Variants in ZNF654 observed in about 807,000 individuals in gnomAD.
ZNF654 encodes melanoma-associated antigen.
In ZNF654, 19 loss-of-function variants were observed where a neutral mutation model predicts 95.3. The ratio of observed to expected loss-of-function variants is 0.20; its 90% CI spans 0.14 to 0.29. The LOEUF (loss-of-function observed/expected upper bound fraction) is 0.29, where lower values mean the gene tolerates loss of function less well. Among genes scored for constraint, ZNF654 ranks in the 10% least tolerant of loss-of-function variants. The pLI, the probability that ZNF654 is intolerant of heterozygous loss-of-function variation, is 1.00. For synonymous variants in ZNF654, 413 were observed against 457.9 expected (o/e 0.90, Z 1.25); for missense variants, 1,046 against 1,341.0 (o/e 0.78, Z 3.44).
chr3:88,117,371 A>G (rs1705474298), intron 3 of ZNF654, among the ~76,000 whole-genome samples: 1 of 152,208 alleles, frequency 6.6e-6, no homozygotes, highest in African/African-American at 2.4e-5. Flanking sequence ...AATTCTCTAT[A>G]GTAACAAATG....
rs1476404828 is a variant in ZNF654 at position 88,144,106 on chromosome 3, G to C, written c.*2454G>C. Reference sequence around the variant, plus strand: ...AAAAATTAAATGTTAAATTTCTGCTGTGTGTCAGTAAGGTGAAGAAAATAG... The same window carrying C: ...AAAAATTAAATGTTAAATTTCTGCTCTGTGTCAGTAAGGTGAAGAAAATAG... On this transcript the variant is annotated 3_prime_UTR_variant, in exon 9 of 9. Transcript: ENST00000636215. The C allele has an allele frequency of 6.6e-6, 1 of 152,246 alleles. No individual in the cohort carries two copies. Among genetic ancestry groups the C allele is most frequent in the Non-Finnish European group, 1.5e-5 (1 of 67,798 alleles). 9.4% of individuals were successfully genotyped at this position (152,246 alleles called of 1,614,324 possible). A position where few individuals can be genotyped will look rare whatever the true frequency, so the allele number is the denominator to read the frequency against.
At chr3:88,064,836 G>A (rs1707104854) in intron 1 of ZNF654, among the ~76,000 whole-genome samples, 1 of 152,152 alleles carries the variant, frequency 6.6e-6, no homozygotes, top group African/African-American at 2.4e-5. Context: ...CATTTAACTA[G>A]AAGTCTCAAA....
At chr3:88,112,290 T>A (rs569220717) in intron 2 of ZNF654, among the ~76,000 whole-genome samples, 3 of 151,366 alleles carry the variant, frequency 2.0e-5, no homozygotes, top group African/African-American at 7.3e-5. Context: ...CAAAAACTAT[T>A]AAAAAAACAA....
chr3:88,063,300 T>G lies in ZNF654; in HGVS notation c.186+3795T>G, dbSNP rs1413532909. 2.0e-5 allele frequency among the ~76,000 whole-genome samples: 3 copies of G among 152,312 alleles called. No homozygotes were observed. The East Asian group carries it at 5.8e-4, about 29-fold the overall frequency. ...TTTGGGACTCTTAGTGGGTACCTTT[T>G]ATGCGTAATGCCGATATAAATGGCA... On this transcript the variant is annotated intron_variant, in intron 1 of 8. Transcript: ENST00000636215.
chr3:88,112,909 AAGTAT>A (rs1226619667), intron 2 of ZNF654, among the ~76,000 whole-genome samples: 1 of 152,104 alleles, frequency 6.6e-6, no homozygotes, highest in African/African-American at 2.4e-5. Context: ...TCTAAAACTT[AAGTAT>A]ATTTCTTTGT....
chr3:88,140,217 G>C lies in ZNF654; in HGVS notation c.2548G>C (p.Glu850Gln), dbSNP rs765051581. The change falls in exon 8 of 9, where the codon GAA becomes CAA. Residue 850 changes from glutamate to glutamine, a missense_variant. Glu to Gln is a conservative substitution (Grantham distance 29). This residue lies in a region of ZNF654 where 495 missense variants were observed against 537.0 expected (regional missense o/e 0.92). Transcript: ENST00000636215. ...ATTTCAGGCTCAGTGTAGTTTTCCAGAATGCCATGAGCTTTTTGAAGATCT... is the reference window on the plus strand; with the variant it reads ...ATTTCAGGCTCAGTGTAGTTTTCCACAATGCCATGAGCTTTTTGAAGATCT... ...RIFQAQCSFP[E>Q]CHELFEDLPL... 1 of 1,613,816 alleles carries C rather than the reference G, an allele frequency of 6.2e-7. No individual in the cohort carries two copies. The highest frequency in any genetic ancestry group is 8.5e-7 in the Non-Finnish European group (1 of 1,179,782).
At chr3:88,060,515 C>T (rs918543712) in intron 1 of ZNF654, among the ~76,000 whole-genome samples, 8 of 152,168 alleles carry the variant, frequency 5.3e-5, no homozygotes, top group African/African-American at 1.7e-4. Flanking sequence ...CATCCCATCC[C>T]TTTTAAAATG....
chr3:88,090,820 C>G (rs1183786858), intron 2 of ZNF654, among the ~76,000 whole-genome samples: 1 of 151,958 alleles, frequency 6.6e-6, no homozygotes, highest in African/African-American at 2.4e-5. Flanking sequence ...TGTCTTGGCC[C>G]ATACATAAAA....
intron 3 of ZNF654, among the ~76,000 whole-genome samples, chr3:88,121,539 T>C (rs373913984): frequency 6.6e-6 from 1 of 152,090 alleles, no homozygotes; most frequent in Non-Finnish European, 1.5e-5. Context: ...TTTTTGAAAA[T>C]ACCAGGTAAA....
At chr3:88,060,560 T>A (rs917230384) in intron 1 of ZNF654, among the ~76,000 whole-genome samples, 1 of 152,230 alleles carries the variant, frequency 6.6e-6, no homozygotes, top group Non-Finnish European at 1.5e-5. Context: ...GTTCAGATTC[T>A]GGCTCCACCA....
intron 1 of ZNF654, among the ~76,000 whole-genome samples, chr3:88,073,746 G>T (rs1387482152): frequency 1.3e-5 from 2 of 152,180 alleles, no homozygotes; most frequent in East Asian, 1.9e-4. Flanking sequence ...AAGAGTTAGT[G>T]CATTCTTCTT....
intron 2 of ZNF654, among the ~76,000 whole-genome samples, chr3:88,099,371 G>A (rs1374411051): frequency 3.9e-5 from 6 of 152,154 alleles, no homozygotes; most frequent in African/African-American, 9.7e-5. Context: ...TGGATAGGAA[G>A]AATCAATATT....
chr3:88,139,810 A>C lies in ZNF654; in HGVS notation c.2141A>C (p.Asp714Ala). ...EDEEGDYEED[D>A]YDLNQETSVI... is the part of the protein sequence containing the mutation. ...GAAGAAGGTGATTATGAAGAAGATGATTATGACCTGAATCAAGAAACTTCA... is the reference window on the plus strand; with the variant it reads ...GAAGAAGGTGATTATGAAGAAGATGCTTATGACCTGAATCAAGAAACTTCA... The change falls in exon 8 of 9, where the codon GAT becomes GCT. Residue 714 changes from aspartate (D) to alanine (A), a missense_variant. This residue lies in a region of ZNF654 where 495 missense variants were observed against 537.0 expected (regional missense o/e 0.92). Transcript: ENST00000636215. 6.4e-7 allele frequency: 1 copy of C among 1,560,070 alleles called. No homozygotes were observed. The highest frequency in any genetic ancestry group is 1.2e-5 in the South Asian group (1 of 85,206).
intron 2 of ZNF654, among the ~76,000 whole-genome samples, chr3:88,105,125 C>T (rs1704658156): frequency 6.6e-6 from 1 of 152,134 alleles, no homozygotes; most frequent in South Asian, 2.1e-4. Flanking sequence ...AGCAAGAGAG[C>T]AAGACTCCAT....
At chr3:88,060,385 T>C (rs138541338) in intron 1 of ZNF654, among the ~76,000 whole-genome samples, 5 of 152,282 alleles carry the variant, frequency 3.3e-5, no homozygotes, top group Non-Finnish European at 5.9e-5. Flanking sequence ...TTTTTAGGGG[T>C]AAAGTTTGTG....
Position 88,060,181 on chromosome 3 carries a change from A to G in ZNF654, c.186+676A>G, listed in dbSNP as rs142988473. 5.3e-3 allele frequency among the ~76,000 whole-genome samples: 813 copies of G among 152,208 alleles called. 5 individuals are homozygous for G. Among genetic ancestry groups the G allele is most frequent in the African/African-American group, 0.017 (698 of 41,538 alleles). On this transcript the variant is annotated intron_variant, in intron 1 of 8. Coordinates refer to ENST00000636215, the MANE Select transcript of ZNF654 (RefSeq NM_001350134.2). ...TTTCTAATTAACTGCTCATAATGAA[A>G]GTAATTTTCCTTAAACTCTTGCTCC...
At chr3:88,073,290 A>C (rs1164655790) in intron 1 of ZNF654, among the ~76,000 whole-genome samples, 1 of 152,230 alleles carries the variant, frequency 6.6e-6, no homozygotes, top group Non-Finnish European at 1.5e-5. Context: ...GAGCCACTGG[A>C]CTAGAACATA....
chr3:88,124,789 A>T (rs1397411191), intron 3 of ZNF654, among the ~76,000 whole-genome samples: 1 of 149,662 alleles, frequency 6.7e-6, no homozygotes, highest in Non-Finnish European at 1.5e-5. Flanking sequence ...TTTTTTCAAC[A>T]TTGCCAGTTT....
Position 88,059,491 on chromosome 3 carries a change from C to A in ZNF654, c.172C>A (p.Arg58=), listed in dbSNP as rs1364611357. Residue 58 remains arginine (R), a synonymous_variant, in exon 1 of 9, where the codon CGA becomes AGA. Coordinates refer to ENST00000636215, the MANE Select transcript of ZNF654 (RefSeq NM_001350134.2). ...GVGISSRDYC[R]RFCQVVEDYA... ...CGGAATCAGCAGTCGGGATTACTGC[C>A]GACGCTTCTGTCAGGTGAGGCGTCC... The A allele has an allele frequency of 6.7e-7, 1 of 1,497,204 alleles. No homozygotes were observed. Among genetic ancestry groups the A allele is most frequent in the Admixed American group, 2.3e-5 (1 of 42,990 alleles). The allele number at this position is 1,497,204 out of a possible 1,614,324, so 92.7% of individuals were successfully genotyped here. A position where few individuals can be genotyped will look rare whatever the true frequency, so the allele number is the denominator to read the frequency against.
Sources: gnomAD v4.1 joint callset for allele counts (sites outside exome capture counted in the v4.1 genomes callset) on GRCh38, gnomAD v4.1.1 for gene constraint, gnomAD v4.1.1 regional missense constraint, MANE v1.5 for transcripts, NCBI Gene and HGNC (gene_info 2026-07-23, HGNC 2026-07-21) for gene names.